Variants in PLPPR1 observed in about 807,000 individuals in gnomAD.
PLPPR1 encodes the protein phospholipid phosphatase related 1, also known as phospholipid phosphatase-related protein type 1.
Under a neutral mutation model 33.1 loss-of-function variants are expected in PLPPR1, and 10 were observed. The observed-to-expected ratio is 0.30, with a 90% confidence interval of 0.19 to 0.51. PLPPR1 has a LOEUF of 0.51. PLPPR1 is among the 20% of genes least tolerant of loss of function. The pLI is 0.97. For missense variants in PLPPR1, 304 were observed against 408.1 expected (o/e 0.74, Z 2.20); for synonymous variants, 151 against 151.0 (o/e 1.00, Z 0.00).
At chr9:101,119,462 T>A (rs763487616) in intron 1 of PLPPR1, among the ~76,000 whole-genome samples, 7 of 152,160 alleles carry the variant, frequency 4.6e-5, no homozygotes, top group Admixed American at 1.3e-4. Flanking sequence ...CTGGAGGTGA[T>A]GGAACTATCA....
At chr9:101,203,425 T>C (rs1323490830) in intron 2 of PLPPR1, among the ~76,000 whole-genome samples, 1 of 152,170 alleles carries the variant, frequency 6.6e-6, no homozygotes, top group Non-Finnish European at 1.5e-5. Flanking sequence ...ATTTGGATTT[T>C]CATCTTCATT....
At chr9:101,168,149 G>T (rs548142217) in intron 1 of PLPPR1, among the ~76,000 whole-genome samples, 1 of 152,226 alleles carries the variant, frequency 6.6e-6, no homozygotes, top group East Asian at 1.9e-4. Flanking sequence ...TTTGGGTGGG[G>T]ACACAGCCAA....
At chr9:101,080,833 C>T (rs1830608150) in intron 1 of PLPPR1, among the ~76,000 whole-genome samples, 1 of 152,158 alleles carries the variant, frequency 6.6e-6, no homozygotes, top group South Asian at 2.1e-4. Flanking sequence ...GCTCCAGGTT[C>T]TACTAAGATG....
At chr9:101,050,588 A>G (rs2118442882) in intron 1 of PLPPR1, among the ~76,000 whole-genome samples, 1 of 152,306 alleles carries the variant, frequency 6.6e-6, no homozygotes, top group East Asian at 1.9e-4. Context: ...GAGTATTGTA[A>G]GGACGTGTTT....
chr9:101,067,653 G>A (rs1037409665), intron 1 of PLPPR1, among the ~76,000 whole-genome samples: 3 of 152,004 alleles, frequency 2.0e-5, no homozygotes, highest in Admixed American at 6.6e-5. Flanking sequence ...TTTGTCTGGA[G>A]TGCAGATAAA....
chr9:101,038,270 C>T (rs1021037779), intron 1 of PLPPR1, among the ~76,000 whole-genome samples: 2 of 152,016 alleles, frequency 1.3e-5, no homozygotes, highest in Non-Finnish European at 2.9e-5. Context: ...CTGTTGCTTT[C>T]CATCTTAAAA....
chr9:101,100,057 C>T (rs1830878027), intron 1 of PLPPR1, among the ~76,000 whole-genome samples: 1 of 151,962 alleles, frequency 6.6e-6, no homozygotes, highest in African/African-American at 2.4e-5. Context: ...CTTTTTCTGA[C>T]ATACGGTCAG....
At chr9:101,169,684 TAC>T (rs932137337) in intron 1 of PLPPR1, among the ~76,000 whole-genome samples, 2 of 146,134 alleles carry the variant, frequency 1.4e-5, no homozygotes, top group African/African-American at 2.5e-5. Context: ...TGCTTTTTGT[TAC>T]ATGTTATCAA....
intron 2 of PLPPR1, 112 bp from the exon 3 acceptor site, chr9:101,269,768 A>G (rs1828060170): frequency 2.0e-6 from 2 of 1,011,976 alleles, no homozygotes; most frequent in East Asian, 4.8e-5. Flanking sequence ...ACACTCGCCA[A>G]TACCAATATC....
rs115986409 is a variant in PLPPR1 at position 101,267,778 on chromosome 9, G to A, written c.64-2102G>A. 8.0e-3 allele frequency among the ~76,000 whole-genome samples: 1,222 copies of A among 152,274 alleles called. 17 individuals are homozygous for A. Among genetic ancestry groups the A allele is most frequent in the African/African-American group, 0.028 (1,183 of 41,552 alleles). On this transcript the variant is annotated intron_variant, in intron 2 of 7. Transcript: ENST00000374874. ...GCACTTTGGAAGGCCGAGGTGGGTGGATCATTTGAATTAAGAATCTTCCCT... is the reference window on the plus strand; with the variant it reads ...GCACTTTGGAAGGCCGAGGTGGGTGAATCATTTGAATTAAGAATCTTCCCT...
At chr9:101,085,545 A>G (rs1318607346) in intron 1 of PLPPR1, among the ~76,000 whole-genome samples, 2 of 152,192 alleles carry the variant, frequency 1.3e-5, no homozygotes, top group Non-Finnish European at 2.9e-5. Context: ...AGTCTTAGAA[A>G]CAAACATTGG....
intron 3 of PLPPR1, among the ~76,000 whole-genome samples, chr9:101,274,574 C>T (rs1455925532): frequency 1.3e-5 from 2 of 152,316 alleles, no homozygotes; most frequent in Middle Eastern, 3.4e-3. Flanking sequence ...AGCAGCAAGA[C>T]AGAAAACAGA....
intron 4 of PLPPR1, among the ~76,000 whole-genome samples, chr9:101,303,627 G>A (rs1219248119): frequency 6.6e-6 from 1 of 152,112 alleles, no homozygotes; most frequent in Non-Finnish European, 1.5e-5. Context: ...GATTGAGAAC[G>A]AATGTTAAGG....
intron 4 of PLPPR1, among the ~76,000 whole-genome samples, chr9:101,296,156 C>G (rs1828632842): frequency 1.3e-5 from 2 of 152,132 alleles, no homozygotes; most frequent in Non-Finnish European, 2.9e-5. Flanking sequence ...ACAGACACTT[C>G]TCAAAAGAAG....
chr9:101,069,228 C>T (rs1377018970), intron 1 of PLPPR1, among the ~76,000 whole-genome samples: 2 of 151,970 alleles, frequency 1.3e-5, no homozygotes, highest in African/African-American at 2.4e-5. Context: ...GGCGTAACCA[C>T]CTTTTTAAAT....
chr9:101,260,158 C>T (rs554836078), intron 2 of PLPPR1, among the ~76,000 whole-genome samples: 1 of 152,218 alleles, frequency 6.6e-6, no homozygotes, highest in African/African-American at 2.4e-5. Flanking sequence ...TAATCCTATT[C>T]ATGAGACTGG....
intron 2 of PLPPR1, among the ~76,000 whole-genome samples, chr9:101,244,371 C>A (rs1329160668): frequency 6.6e-6 from 1 of 151,704 alleles, no homozygotes; most frequent in Non-Finnish European, 1.5e-5. Context: ...ATTCAAGATT[C>A]AGAAAGACGA....
intron 1 of PLPPR1, among the ~76,000 whole-genome samples, chr9:101,051,305 ATC>A (rs372579621): frequency 1.7e-4 from 26 of 149,496 alleles, no homozygotes; most frequent in Admixed American, 2.0e-4. Context: ...CACTACCACT[ATC>A]TCTCTCTCTC....
chr9:101,256,390 A>T (rs1296861064), intron 2 of PLPPR1, among the ~76,000 whole-genome samples: 1 of 152,156 alleles, frequency 6.6e-6, no homozygotes, highest in Non-Finnish European at 1.5e-5. Flanking sequence ...AGAGATATAG[A>T]TGGTGATAGT....
Sources: allele counts gnomAD v4.1 joint callset (sites outside exome capture counted in the v4.1 genomes callset), GRCh38; gene constraint gnomAD v4.1.1; transcripts MANE v1.5; gene names NCBI Gene and HGNC (gene_info 2026-07-23, HGNC 2026-07-21).